GRM7: variants seen among roughly 807,000 people sequenced by gnomAD.
GRM7 encodes the protein glutamate metabotropic receptor 7.
A neutral mutation model predicts 84.5 loss-of-function variants in GRM7; 35 were observed. The observed-to-expected ratio is 0.41, with a 90% CI of 0.32 to 0.55. GRM7 has a LOEUF of 0.55. Ranked by LOEUF, GRM7 falls within the 20% of genes least tolerant of loss-of-function variation. The pLI is 0.19. For synonymous variants in GRM7, 487 were observed against 455.1 expected (o/e 1.07, Z -0.89); for missense variants, 1,003 against 1,194.6 (o/e 0.84, Z 2.36).
intron 1 of GRM7, among the ~76,000 whole-genome samples, chr3:7,130,711 T>C (rs945684114): frequency 6.6e-6 from 1 of 152,032 alleles, no homozygotes; most frequent in African/African-American, 2.4e-5. Context: ...GCAGTCAACC[T>C]AAAATGCAAT....
rs1575552523 is a variant in GRM7 at position 7,610,453 on chromosome 3, T to TAATTGCTGTGGTGTCATAAGGTATTTTTC, written c.2451+31098_2451+31126dup. Among the ~76,000 whole-genome samples, 7 of 152,354 alleles carry TAATTGCTGTGGTGTCATAAGGTATTTTTC rather than the reference T, an allele frequency of 4.6e-5. No homozygotes were observed. The East Asian group carries it at 9.6e-4, about 21-fold the overall frequency. On this transcript the variant is annotated intron_variant, in intron 8 of 9. Transcript: ENST00000357716. ...AAACAACCAGATAGATAGGATTTTT[T>TAATTGCTGTGGTGTCATAAGGTATTTTTC]AATTGCTGTGGTGTCATAAGGTATT...
chr3:7,218,243 T>C (rs949057585), intron 2 of GRM7, among the ~76,000 whole-genome samples: 2 of 152,154 alleles, frequency 1.3e-5, no homozygotes, highest in Admixed American at 1.3e-4. Context: ...TTCTACTAAC[T>C]TACTGACTAA....
chr3:7,125,268 G>T (rs1159195846), intron 1 of GRM7, among the ~76,000 whole-genome samples: 1 of 152,084 alleles, frequency 6.6e-6, no homozygotes, highest in Non-Finnish European at 1.5e-5. Context: ...GCACAGGGAG[G>T]CTAATCCCAG....
chr3:7,626,208 C>G (rs963102020), intron 8 of GRM7, among the ~76,000 whole-genome samples: 1 of 152,104 alleles, frequency 6.6e-6, no homozygotes, highest in African/African-American at 2.4e-5. Context: ...CCTCCCAGAA[C>G]CTCACTTTGA....
intron 9 of GRM7, among the ~76,000 whole-genome samples, chr3:7,722,551 T>C (rs1024993547): frequency 1.3e-5 from 2 of 151,798 alleles, no homozygotes; most frequent in Non-Finnish European, 2.9e-5. Context: ...TAAGAGATTG[T>C]TCTGCCTTAG....
In GRM7 at chr3:7,134,301, T is replaced by TA. The variant is rs532069854; in HGVS notation, c.520-12144dup. On this transcript the variant is annotated intron_variant, in intron 1 of 9. Coordinates refer to ENST00000357716, the MANE Select transcript of GRM7 (RefSeq NM_000844.4). ...CTTCTTCCTTATTTTCCATGTTCCA[T>TA]AAAAAAATGGGATGAGACAAGTTCT... Among the ~76,000 whole-genome samples, 343 of 152,086 alleles carry TA rather than the reference T, an allele frequency of 2.3e-3. 2 individuals are homozygous for TA. The highest frequency in any genetic ancestry group is 8.0e-3 in the African/African-American group (333 of 41,502).
At chr3:7,701,061 A>G (rs1701207758) in intron 9 of GRM7, among the ~76,000 whole-genome samples, 2 of 152,142 alleles carry the variant, frequency 1.3e-5, no homozygotes, top group South Asian at 4.1e-4. Context: ...GATGCATGAA[A>G]TTGTTTAGAA....
At chr3:6,898,590 A>G (rs1696273608) in intron 1 of GRM7, among the ~76,000 whole-genome samples, 1 of 152,146 alleles carries the variant, frequency 6.6e-6, no homozygotes, top group Admixed American at 6.5e-5. Context: ...CTAGGAAAAT[A>G]AAAGTGAACT....
At chr3:7,518,108 G>T (rs1220897049) in intron 7 of GRM7, among the ~76,000 whole-genome samples, 2 of 152,142 alleles carry the variant, frequency 1.3e-5, no homozygotes, top group African/African-American at 4.8e-5. Flanking sequence ...CATAGGCATG[G>T]CTCCTGGACC....
chr3:7,202,491 C>G (rs1370218774), intron 2 of GRM7, among the ~76,000 whole-genome samples: 2 of 152,074 alleles, frequency 1.3e-5, no homozygotes, highest in Non-Finnish European at 2.9e-5. Flanking sequence ...CCACCATACC[C>G]AGCTAATTTT....
At chr3:7,022,367 GCA>G (rs71307753) in intron 1 of GRM7, among the ~76,000 whole-genome samples, 9 of 145,692 alleles carry the variant, frequency 6.2e-5, no homozygotes, top group East Asian at 2.0e-4. Context: ...ACACACACAT[GCA>G]CACACACACA....
chr3:7,436,839 T>G (rs1251034945), intron 5 of GRM7, among the ~76,000 whole-genome samples: 1 of 152,232 alleles, frequency 6.6e-6, no homozygotes, highest in Non-Finnish European at 1.5e-5. Context: ...CCTTCTGTGT[T>G]GTTTCCTTGC....
At chr3:7,348,987 C>A (rs769013207) in intron 4 of GRM7, among the ~76,000 whole-genome samples, 1 of 152,074 alleles carries the variant, frequency 6.6e-6, no homozygotes, top group Non-Finnish European at 1.5e-5. Flanking sequence ...TTAGATGGGC[C>A]ATGCCTTCAT....
intron 4 of GRM7, among the ~76,000 whole-genome samples, chr3:7,325,027 G>A (rs2125058427): frequency 6.6e-6 from 1 of 152,280 alleles, no homozygotes; most frequent in South Asian, 2.1e-4. Context: ...TTTAAACCCA[G>A]TGGATTTTTT....
chr3:7,495,188 A>G (rs1005858230), intron 7 of GRM7, among the ~76,000 whole-genome samples: 1 of 152,004 alleles, frequency 6.6e-6, no homozygotes, highest in Non-Finnish European at 1.5e-5. Flanking sequence ...TATTTTTGCT[A>G]GGTTTGTTTA....
chr3:7,407,616 A>G (rs372361329), intron 4 of GRM7, among the ~76,000 whole-genome samples: 8 of 152,372 alleles, frequency 5.3e-5, no homozygotes, highest in African/African-American at 1.7e-4. Flanking sequence ...TAGATGAGGA[A>G]AAGTAGGTGC....
chr3:7,417,344 C>T (rs1696207540), intron 5 of GRM7, among the ~76,000 whole-genome samples: 1 of 152,056 alleles, frequency 6.6e-6, no homozygotes, highest in Non-Finnish European at 1.5e-5. Context: ...TACTCTTCCA[C>T]CTATTGATAT....
At chr3:7,341,304 A>G (rs1701627702) in intron 4 of GRM7, among the ~76,000 whole-genome samples, 3 of 152,010 alleles carry the variant, frequency 2.0e-5, no homozygotes, top group Non-Finnish European at 4.4e-5. Context: ...ACTATTATTT[A>G]AAGGAGATTG....
chr3:7,475,146 G>C (rs755437011), intron 7 of GRM7, among the ~76,000 whole-genome samples: 1 of 152,204 alleles, frequency 6.6e-6, no homozygotes, highest in Non-Finnish European at 1.5e-5. Context: ...AGACAGAAAG[G>C]ATGTAGTGGG....
Sources: gnomAD v4.1 joint callset for allele counts (sites outside exome capture counted in the v4.1 genomes callset) on GRCh38, gnomAD v4.1.1 for gene constraint, MANE v1.5 for transcripts, NCBI Gene and HGNC (gene_info 2026-07-23, HGNC 2026-07-21) for gene names.